Variants in MIPEP observed in about 807,000 individuals in gnomAD.
MIPEP encodes mitochondrial intermediate peptidase.
A neutral mutation model predicts 90.3 loss-of-function variants in MIPEP; 79 were observed. That is an observed-to-expected ratio of 0.87 (90% CI 0.73 to 1.05). The LOEUF (loss-of-function observed/expected upper bound fraction) is 1.05. Ranked by LOEUF, MIPEP falls within the 50% of genes least tolerant of loss-of-function variation. MIPEP has a pLI of 0.00. For synonymous variants in MIPEP, 334 were observed against 315.8 expected (o/e 1.06, Z -0.61); for missense variants, 940 against 905.6 (o/e 1.04, Z -0.49).
At chr13:23,806,610 G>A (rs1435430248) in intron 15 of MIPEP, among the ~76,000 whole-genome samples, 2 of 151,850 alleles carry the variant, frequency 1.3e-5, no homozygotes, top group African/African-American at 2.4e-5. Flanking sequence ...CCTGGGAGGC[G>A]GAGCTCGCAG....
chr13:23,870,115 C>T lies in MIPEP; in HGVS notation c.684G>A (p.Lys228=), dbSNP rs112876432. Residue 228 remains lysine, a synonymous_variant, in exon 6 of 19, where the codon AAG becomes AAA. Transcript: ENST00000382172. ...GTTCTGGTAAGAGATGCTTCTCAAT[C>T]TTGTTGGGAAAATTGGTTCCCATAA... is the stretch of plus-strand genomic sequence containing the variant. ...TFLMGTNFPN[K]IEKHLLPEHI... is the part of the protein sequence containing the mutation. 6.4e-5 allele frequency: 103 copies of T among 1,612,558 alleles called. No homozygotes were observed. The African/African-American group carries it at 9.3e-4, about 15-fold the overall frequency.
chr13:23,769,975 T>C (rs565297709), intron 16 of MIPEP, among the ~76,000 whole-genome samples: 1 of 152,198 alleles, frequency 6.6e-6, no homozygotes, highest in Non-Finnish European at 1.5e-5. Context: ...TTTCCCATCT[T>C]GGGACTCTGC....
chr13:23,887,809 T>C (rs1434303324), intron 1 of MIPEP, among the ~76,000 whole-genome samples: 1 of 152,216 alleles, frequency 6.6e-6, no homozygotes, highest in Non-Finnish European at 1.5e-5. Flanking sequence ...GAAGTTAAGC[T>C]AGTAATCTCT....
chr13:23,808,096 T>G (rs557140454), intron 15 of MIPEP, among the ~76,000 whole-genome samples: 22 of 146,330 alleles, frequency 1.5e-4, no homozygotes, highest in Admixed American at 3.4e-4. Flanking sequence ...AAAAACAGTG[T>G]TTTTTTTTTG....
chr13:23,747,901 C>T, intron 18 of MIPEP, among the ~76,000 whole-genome samples: 1 of 152,120 alleles, frequency 6.6e-6, no homozygotes, highest in Non-Finnish European at 1.5e-5. Context: ...CCACCATGCC[C>T]AGCTAATTTT....
intron 16 of MIPEP, among the ~76,000 whole-genome samples, chr13:23,762,851 G>A (rs1246021825): frequency 6.6e-6 from 1 of 152,210 alleles, no homozygotes; most frequent in Non-Finnish European, 1.5e-5. Flanking sequence ...GCGGGGCTGA[G>A]GCTGCTGGAG....
intron 4 of MIPEP, among the ~76,000 whole-genome samples, chr13:23,876,755 A>G (rs1459212036): frequency 6.6e-6 from 1 of 152,228 alleles, no homozygotes; most frequent in Non-Finnish European, 1.5e-5. Flanking sequence ...TATAATAAAA[A>G]TCAATGAATC....
intron 16 of MIPEP, among the ~76,000 whole-genome samples, chr13:23,775,109 C>CTCTCTG (rs1375320068): frequency 2.6e-4 from 39 of 149,200 alleles, no homozygotes; most frequent in African/African-American, 9.1e-4. Context: ...TATCAGTTCT[C>CTCTCTG]TGTGTGTGTG....
chr13:23,754,110 C>T (rs761428393), intron 18 of MIPEP, among the ~76,000 whole-genome samples: 1 of 152,150 alleles, frequency 6.6e-6, no homozygotes, highest in African/African-American at 2.4e-5. Flanking sequence ...TAGAAGAATA[C>T]TGCCAACGAG....
intron 16 of MIPEP, among the ~76,000 whole-genome samples, chr13:23,782,878 C>T (rs1406921383): frequency 6.6e-6 from 1 of 152,170 alleles, no homozygotes; most frequent in East Asian, 1.9e-4. Flanking sequence ...AATTCCTTGA[C>T]ACATACACTC....
chr13:23,865,740 G>A (rs1870504975), intron 7 of MIPEP, among the ~76,000 whole-genome samples: 1 of 151,054 alleles, frequency 6.6e-6, no homozygotes, highest in South Asian at 2.1e-4. Context: ...TCCCATCTCG[G>A]CTCACTGCAA....
chr13:23,787,067 G>A (rs1952850497), intron 16 of MIPEP, among the ~76,000 whole-genome samples: 2 of 152,154 alleles, frequency 1.3e-5, no homozygotes, highest in Non-Finnish European at 2.9e-5. Context: ...TGACACGCAG[G>A]TAAGTGGCAA....
chr13:23,880,173 T>C (rs1871219316), intron 3 of MIPEP, among the ~76,000 whole-genome samples: 1 of 152,094 alleles, frequency 6.6e-6, no homozygotes, highest in Admixed American at 6.5e-5. Context: ...TTAAGATTTA[T>C]ATGAATCGAA....
chr13:23,863,102 ATG>A (rs1870383030), intron 8 of MIPEP, among the ~76,000 whole-genome samples: 1 of 152,252 alleles, frequency 6.6e-6, no homozygotes, highest in Admixed American at 6.5e-5. Context: ...CAAAACAGAA[ATG>A]TGAGCCAAGA....
Position 23,889,346 on chromosome 13 carries a change from C to A in MIPEP, c.-26G>T. 4 of 1,301,116 alleles carry A rather than the reference C, an allele frequency of 3.1e-6. No individual in the cohort carries two copies. Among genetic ancestry groups the A allele is most frequent in the Non-Finnish European group, 3.9e-6 (4 of 1,023,914 alleles). The allele number at this position is 1,301,116 out of a possible 1,614,324, so 80.6% of individuals were successfully genotyped here. The stretch of plus-strand genomic sequence containing the variant: ...TCTAGCACCAGAGCAGTCCCTTCCT[C>A]CAACGCAGATCCCTGCCCTGCTGCT... On this transcript the variant is annotated 5_prime_UTR_variant, in exon 1 of 19. Coordinates refer to ENST00000382172, the MANE Select transcript of MIPEP (RefSeq NM_005932.4).
At chr13:23,799,253 G>A (rs867200179) in intron 16 of MIPEP, among the ~76,000 whole-genome samples, 8 of 151,436 alleles carry the variant, frequency 5.3e-5, no homozygotes, top group South Asian at 2.1e-4. Flanking sequence ...CAGGCAATCC[G>A]CCCACCTCGG....
intron 9 of MIPEP, among the ~76,000 whole-genome samples, chr13:23,861,192 T>C (rs192873640): frequency 1.3e-3 from 195 of 152,232 alleles, no homozygotes; most frequent in African/African-American, 4.5e-3. Context: ...CATGAGGAGA[T>C]TGGGCATTTC....
chr13:23,794,668 A>C (rs539358768), intron 16 of MIPEP, among the ~76,000 whole-genome samples: 1 of 152,214 alleles, frequency 6.6e-6, no homozygotes, highest in African/African-American at 2.4e-5. Flanking sequence ...GCCGAGAAGA[A>C]AAAAAGGGCA....
rs554488388 is a variant in MIPEP at position 23,806,219 on chromosome 13, A to G, written c.1729-150T>C. 6.5e-6 allele frequency: 5 copies of G among 765,838 alleles called. No individual in the cohort carries two copies. In the Admixed American group the frequency reaches 9.4e-5, roughly 14 times the overall value. 47.4% of individuals were successfully genotyped at this position (765,838 alleles called of 1,614,324 possible). On this transcript the variant is annotated intron_variant, in intron 15 of 18. Coordinates refer to ENST00000382172, the MANE Select transcript of MIPEP (RefSeq NM_005932.4). The stretch of plus-strand genomic sequence containing the variant: ...AATAAACTTACATGGTTTGAAATGT[A>G]TTTCATACCACATTTAAGACCATGC...
Sources: gnomAD v4.1 joint callset for allele counts (sites outside exome capture counted in the v4.1 genomes callset) on GRCh38, gnomAD v4.1.1 for gene constraint, MANE v1.5 for transcripts, NCBI Gene and HGNC (gene_info 2026-07-23, HGNC 2026-07-21) for gene names.